The following GSTCD variants were observed in gnomAD, a reference collection of about 807,000 sequenced individuals.
GSTCD encodes the protein glutathione S-transferase C-terminal domain containing.
GSTCD carries 44 observed loss-of-function variants against 68.3 expected under a neutral mutation model. The observed-to-expected ratio is 0.64, with a 90% CI of 0.51 to 0.83. The LOEUF is 0.83. GSTCD is among the 40% of genes least tolerant of loss of function. The pLI is 0.00. For missense variants in GSTCD, 739 were observed against 735.9 expected (o/e 1.00, Z -0.05); for synonymous variants, 273 against 255.2 (o/e 1.07, Z -0.67).
At chr4:105,743,905 C>T (rs531637417) in intron 5 of GSTCD, among the ~76,000 whole-genome samples, 4 of 152,184 alleles carry the variant, frequency 2.6e-5, no homozygotes, top group South Asian at 2.1e-4. Flanking sequence ...CGTGATCGCC[C>T]GCCTTGGCCT....
chr4:105,773,532 G>A (rs1382218458), intron 5 of GSTCD, among the ~76,000 whole-genome samples: 2 of 152,144 alleles, frequency 1.3e-5, no homozygotes, highest in Non-Finnish European at 1.5e-5. Context: ...TGCTTTAGCT[G>A]TGTCCCAGAG....
In GSTCD at chr4:105,717,164, T is replaced by G. The variant is rs571295105; in HGVS notation, c.-21-429T>G. On this transcript the variant is annotated intron_variant, in intron 1 of 11. Transcript: ENST00000515279. ...GAAAGAACGAATATCCCCTCCCTAT[T>G]ATTTTGTAGGGTCGTAAAAAAGAAG... is the stretch of plus-strand genomic sequence containing the variant. Among the ~76,000 whole-genome samples, 4 of 152,316 alleles carry G rather than the reference T, an allele frequency of 2.6e-5. No homozygotes were observed. In the East Asian group the frequency reaches 5.8e-4, roughly 22 times the overall value.
chr4:105,751,337 T>A (rs545395925), intron 5 of GSTCD, among the ~76,000 whole-genome samples: 1 of 152,286 alleles, frequency 6.6e-6, no homozygotes, highest in East Asian at 1.9e-4. Flanking sequence ...TTGAAATACT[T>A]CTCAGCTCAC....
chr4:105,732,246 G>A (rs1387885507), intron 5 of GSTCD, among the ~76,000 whole-genome samples: 9 of 152,190 alleles, frequency 5.9e-5, no homozygotes, highest in Non-Finnish European at 1.5e-5. Context: ...CTATTGATTG[G>A]AATAGTTTCA....
chr4:105,809,907 G>C (rs1433336541), intron 5 of GSTCD, among the ~76,000 whole-genome samples: 1 of 151,920 alleles, frequency 6.6e-6, no homozygotes, highest in Non-Finnish European at 1.5e-5. Context: ...TAGTGTTGCT[G>C]CTGCTACTAC....
intron 7 of GSTCD, chr4:105,823,746 C>T (rs1411532064): frequency 6.6e-6 from 1 of 151,144 alleles, no homozygotes; most frequent in East Asian, 1.9e-4. Flanking sequence ...CTTTGCTTTT[C>T]TTGTTCTCAT....
chr4:105,744,677 C>A (rs1733742895), intron 5 of GSTCD, among the ~76,000 whole-genome samples: 1 of 152,180 alleles, frequency 6.6e-6, no homozygotes. Context: ...ATGGCAACTT[C>A]CTTCATTTCT....
At chr4:105,740,879 C>T (rs1733611407) in intron 5 of GSTCD, among the ~76,000 whole-genome samples, 4 of 152,028 alleles carry the variant, frequency 2.6e-5, no homozygotes, top group Admixed American at 2.6e-4. Context: ...AAGACTATTA[C>T]ACAAATTTTC....
intron 1 of GSTCD, among the ~76,000 whole-genome samples, chr4:105,713,689 A>T (rs539248951): frequency 2.6e-5 from 4 of 152,256 alleles, no homozygotes; most frequent in African/African-American, 7.2e-5. Flanking sequence ...AATGTATGTA[A>T]TATTTAAAAC....
chr4:105,797,645 C>A (rs1735947072), intron 5 of GSTCD, among the ~76,000 whole-genome samples: 1 of 151,622 alleles, frequency 6.6e-6, no homozygotes, highest in South Asian at 2.1e-4. Context: ...AGGTTTGTGG[C>A]AAATTGTTAA....
At position 105,728,840 on chromosome 4, in the gene GSTCD, A is replaced by G. The variant is rs187363349; in HGVS notation, c.1147-566A>G. Reference sequence around the variant, plus strand: ...TGGAGAAGGATCCTGAAAATGTTTTAATATATTGAAAAGTGGTCCTAATTC... The same window carrying G: ...TGGAGAAGGATCCTGAAAATGTTTTGATATATTGAAAAGTGGTCCTAATTC... On this transcript the variant is annotated intron_variant, in intron 4 of 11. Transcript: ENST00000515279. Among the ~76,000 whole-genome samples the G allele has an allele frequency of 4.2e-3, 640 of 152,272 alleles. 7 individuals are homozygous for G. The highest frequency in any genetic ancestry group is 0.014 in the African/African-American group (602 of 41,576).
chr4:105,754,745 A>C (rs1220971398), intron 5 of GSTCD, among the ~76,000 whole-genome samples: 1 of 152,158 alleles, frequency 6.6e-6, no homozygotes, highest in African/African-American at 2.4e-5. Flanking sequence ...CTAATAAACA[A>C]GACATTAAAA....
intron 5 of GSTCD, among the ~76,000 whole-genome samples, chr4:105,775,911 G>A (rs1462674703): frequency 1.3e-5 from 2 of 152,194 alleles, no homozygotes; most frequent in Non-Finnish European, 2.9e-5. Context: ...GAGCCAACAG[G>A]CAGGAACATT....
At chr4:105,797,724 T>G (rs2149259773) in intron 5 of GSTCD, among the ~76,000 whole-genome samples, 1 of 152,064 alleles carries the variant, frequency 6.6e-6, no homozygotes. Flanking sequence ...TCTGTAGTAT[T>G]TGATGCTGTT....
chr4:105,813,245 G>A (rs1462711258), intron 5 of GSTCD, among the ~76,000 whole-genome samples: 6 of 152,150 alleles, frequency 3.9e-5, no homozygotes, highest in Non-Finnish European at 5.9e-5. Flanking sequence ...TCATTCAGTA[G>A]TGCTAATACC....
intron 5 of GSTCD, among the ~76,000 whole-genome samples, chr4:105,750,251 G>A (rs1027687961): frequency 6.1e-4 from 92 of 152,052 alleles, no homozygotes; most frequent in Non-Finnish European, 1.3e-4. Flanking sequence ...ATGACCTGAG[G>A]TCAGGAGTTC....
chr4:105,776,783 G>A (rs1411540171), intron 5 of GSTCD, among the ~76,000 whole-genome samples: 1 of 152,110 alleles, frequency 6.6e-6, no homozygotes, highest in Non-Finnish European at 1.5e-5. Context: ...TTCCTATTCG[G>A]CCAGCTTGCC....
chr4:105,770,640 G>A (rs1292832856), intron 5 of GSTCD, among the ~76,000 whole-genome samples: 2 of 152,100 alleles, frequency 1.3e-5, no homozygotes, highest in Non-Finnish European at 2.9e-5. Context: ...TTCTGTCCCT[G>A]TGTTAGTTTG....
At chr4:105,723,193 C>T (rs1018863515) in intron 3 of GSTCD, among the ~76,000 whole-genome samples, 6 of 151,900 alleles carry the variant, frequency 3.9e-5, no homozygotes, top group Admixed American at 6.6e-5. Flanking sequence ...TCTAAAGATC[C>T]ATTCCCTTAG....
Sources: allele counts gnomAD v4.1 joint callset (sites outside exome capture counted in the v4.1 genomes callset), GRCh38; gene constraint gnomAD v4.1.1; transcripts MANE v1.5; gene names NCBI Gene and HGNC (gene_info 2026-07-23, HGNC 2026-07-21).